Variants in VIPR2 observed in about 807,000 individuals in gnomAD.
The protein encoded by VIPR2 is vasoactive intestinal polypeptide receptor 2.
In VIPR2, 48 loss-of-function variants were observed where a neutral mutation model predicts 58.0. The observed-to-expected ratio is 0.83, with a 90% CI of 0.66 to 1.05. The LOEUF is 1.05. VIPR2 is among the 50% of genes least tolerant of loss of function. The pLI is 0.00. For synonymous variants in VIPR2, 243 were observed against 235.2 expected, an observed-to-expected ratio of 1.03 and a Z score of -0.30; for missense variants, 534 against 558.0, an observed-to-expected ratio of 0.96 and a Z score of 0.43.
intron 5 of VIPR2, among the ~76,000 whole-genome samples, chr7:159,047,938 G>T (rs1472546827): frequency 6.6e-6 from 1 of 152,120 alleles, no homozygotes; most frequent in Non-Finnish European, 1.5e-5. Flanking sequence ...TGTTTTCTCA[G>T]TGCTATCCTG....
At chr7:159,113,696 T>C (rs775119850) in intron 2 of VIPR2, among the ~76,000 whole-genome samples, 1 of 152,164 alleles carries the variant, frequency 6.6e-6, no homozygotes, top group Non-Finnish European at 1.5e-5. Context: ...CTGGATATTA[T>C]GTGGCTCAAC....
At chr7:159,082,770 G>T (rs1456540466) in intron 4 of VIPR2, among the ~76,000 whole-genome samples, 2 of 152,076 alleles carry the variant, frequency 1.3e-5, no homozygotes, top group Non-Finnish European at 2.9e-5. Flanking sequence ...AGGCAGATAG[G>T]CAGAAAGCCA....
chr7:159,102,564 G>C (rs1858363263), intron 4 of VIPR2, among the ~76,000 whole-genome samples: 2 of 152,200 alleles, frequency 1.3e-5, no homozygotes, highest in South Asian at 4.1e-4. Flanking sequence ...TTAATAATTT[G>C]GCGGAGAAAG....
chr7:159,140,371 T>C (rs1554521804), intron 2 of VIPR2, among the ~76,000 whole-genome samples: 1 of 152,220 alleles, frequency 6.6e-6, no homozygotes, highest in Non-Finnish European at 1.5e-5. Flanking sequence ...ACATCGCTGA[T>C]AGCATCTTTA....
At chr7:159,071,214 G>A (rs1003388458) in intron 4 of VIPR2, among the ~76,000 whole-genome samples, 4 of 152,210 alleles carry the variant, frequency 2.6e-5, no homozygotes, top group African/African-American at 9.7e-5. Flanking sequence ...TCTTCACTGT[G>A]AGGTGAAGTT....
intron 4 of VIPR2, among the ~76,000 whole-genome samples, chr7:159,058,900 G>C (rs1169888108): frequency 6.6e-6 from 1 of 152,226 alleles, no homozygotes; most frequent in Non-Finnish European, 1.5e-5. Context: ...TTCAGAAAGA[G>C]AGCTCAGTCT....
At chr7:159,117,200 CT>C (rs972342621) in intron 2 of VIPR2, 21 of 653,356 alleles carry the variant, frequency 3.2e-5, no homozygotes, top group Non-Finnish European at 5.9e-5. Flanking sequence ...GGTCACTGCC[CT>C]TTCCCTAGAA....
intron 6 of VIPR2, among the ~76,000 whole-genome samples, chr7:159,038,094 A>G (rs1477521480): frequency 6.6e-6 from 1 of 152,148 alleles, no homozygotes; most frequent in Non-Finnish European, 1.5e-5. Flanking sequence ...GGATACACTT[A>G]TATATGGGTG....
At chr7:159,124,793 T>G (rs895919080) in intron 2 of VIPR2, among the ~76,000 whole-genome samples, 3 of 152,240 alleles carry the variant, frequency 2.0e-5, no homozygotes, top group African/African-American at 7.2e-5. Context: ...CATTTGTTTG[T>G]GTCACCTCTG....
chr7:159,132,967 T>C (rs879896598), intron 2 of VIPR2, among the ~76,000 whole-genome samples: 4 of 145,512 alleles, frequency 2.7e-5, no homozygotes, highest in African/African-American at 5.2e-5. Context: ...GACAGAATGA[T>C]TGGCATACCG....
At chr7:159,065,022 C>T (rs1856002862) in intron 4 of VIPR2, among the ~76,000 whole-genome samples, 1 of 152,140 alleles carries the variant, frequency 6.6e-6, no homozygotes, top group African/African-American at 2.4e-5. Flanking sequence ...GGAGCCATGG[C>T]GGGCCCACTG....
At chr7:159,032,348 T>C (rs1326162859) in intron 10 of VIPR2, among the ~76,000 whole-genome samples, 1 of 152,190 alleles carries the variant, frequency 6.6e-6, no homozygotes, top group Non-Finnish European at 1.5e-5. Flanking sequence ...CTGGGGTTCA[T>C]GGCTGGCAGG....
intron 5 of VIPR2, 45 bp downstream of exon 5, chr7:159,058,436 G>C: frequency 6.4e-7 from 1 of 1,567,224 alleles, no homozygotes; most frequent in Non-Finnish European, 8.8e-7. Context: ...TGGAAACTTT[G>C]CTTGTCTTGT....
chr7:159,143,764 T>A (rs983411799), intron 1 of VIPR2, among the ~76,000 whole-genome samples: 2 of 152,280 alleles, frequency 1.3e-5, no homozygotes, highest in African/African-American at 4.8e-5. Context: ...TCCTGGAATA[T>A]GCACAGCAAT....
intron 6 of VIPR2, among the ~76,000 whole-genome samples, 200 bp from the exon 7 acceptor site, chr7:159,037,102 T>G (rs575612985): frequency 6.6e-6 from 1 of 152,280 alleles, no homozygotes; most frequent in Non-Finnish European, 1.5e-5. Flanking sequence ...GGGACCTTTG[T>G]ATCCGCGGCT....
rs1483246472 is a variant in VIPR2 at position 159,144,858 on chromosome 7, G to C, written c.-87C>G. The C allele has an allele frequency of 8.4e-7, 1 of 1,185,668 alleles. No individual in the cohort carries two copies. Among genetic ancestry groups the C allele is most frequent in the Non-Finnish European group, 1.1e-6 (1 of 947,996 alleles). 73.4% of individuals were successfully genotyped at this position (1,185,668 alleles called of 1,614,324 possible). ...TTCCGCCGCCTCCAGCATGGGCCGG[G>C]AGCGAGTGCGCGGAGACCTCGGGCC... On this transcript the variant is annotated 5_prime_UTR_variant, in exon 1 of 13. Coordinates refer to ENST00000262178, the MANE Select transcript of VIPR2 (RefSeq NM_003382.5).
rs763225965 is a variant in VIPR2 at position 159,031,931 on chromosome 7, C to T, written c.1101+7G>A. 6.2e-7 allele frequency: 1 copy of T among 1,614,156 alleles called. No homozygotes were observed. Among genetic ancestry groups the T allele is most frequent in the Admixed American group, 1.7e-5 (1 of 60,030 alleles). On this transcript the variant is annotated splice_region_variant and intron_variant, in intron 11 of 12. Transcript: ENST00000262178. This position sits in a 1 kb window ranked among gnomAD's most constrained non-coding sequence, Gnocchi z 4.0. ...TCGGGGGAGGGCGGCCGCCTCCGCA[C>T]ACCTACCTGGAACGACCCGAGGCAC...
chr7:159,142,678 A>G, intron 1 of VIPR2, 133 bp from the exon 2 acceptor site: 1 of 573,186 alleles, frequency 1.7e-6, no homozygotes, highest in Non-Finnish European at 3.0e-6. Flanking sequence ...ATTTAAAACC[A>G]ATCACCTTGA....
chr7:159,079,014 A>G (rs752149993), intron 4 of VIPR2, among the ~76,000 whole-genome samples: 2 of 152,100 alleles, frequency 1.3e-5, no homozygotes, highest in Non-Finnish European at 2.9e-5. Context: ...GCCCACTGAG[A>G]TCCCACTTTG....
Sources: gnomAD v4.1 joint callset for allele counts (sites outside exome capture counted in the v4.1 genomes callset) on GRCh38, gnomAD v4.1.1 for gene constraint, Gnocchi (gnomAD v3.1) non-coding constraint, MANE v1.5 for transcripts, NCBI Gene and HGNC (gene_info 2026-07-23, HGNC 2026-07-21) for gene names.